The following GRID2 variants were observed in gnomAD, a reference collection of about 807,000 sequenced individuals.
GRID2 encodes glutamate ionotropic receptor delta type subunit 2, also known as glutamate receptor ionotropic, delta-2.
GRID2 carries 33 observed loss-of-function variants against 114.8 expected under a neutral mutation model. The ratio of observed to expected loss-of-function variants is 0.29; its 90% CI spans 0.22 to 0.38. The LOEUF (loss-of-function observed/expected upper bound fraction) is 0.38, where lower values mean the gene tolerates loss of function less well. Among genes scored for constraint, GRID2 ranks in the 10% least tolerant of loss-of-function variants. The probability of loss-of-function intolerance (pLI) is 1.00; values close to 1 mark genes in which losing one functional copy is unlikely to be tolerated. For synonymous variants in GRID2, 505 were observed against 449.9 expected (o/e 1.12, Z -1.55); for missense variants, 1,184 against 1,257.7 (o/e 0.94, Z 0.89).
intron 11 of GRID2, among the ~76,000 whole-genome samples, chr4:93,475,209 T>C (rs1236872076): frequency 3.3e-5 from 5 of 152,142 alleles, no homozygotes; most frequent in Non-Finnish European, 5.9e-5. Context: ...TTTTAACCAT[T>C]TTTAAATCTC....
At chr4:93,449,977 G>A (rs889983006) in intron 10 of GRID2, among the ~76,000 whole-genome samples, 1 of 151,694 alleles carries the variant, frequency 6.6e-6, no homozygotes, top group African/African-American at 2.4e-5. Flanking sequence ...AGACTTTGTG[G>A]GCTACTAGTT....
intron 14 of GRID2, among the ~76,000 whole-genome samples, chr4:93,733,931 G>C (rs1411621039): frequency 6.6e-6 from 1 of 151,982 alleles, no homozygotes; most frequent in Non-Finnish European, 1.5e-5. Flanking sequence ...ATTACAATTT[G>C]ATTTTTACCT....
chr4:93,668,521 TTGTATATGTGTATATG>T (rs2149748349), intron 14 of GRID2, among the ~76,000 whole-genome samples: 1 of 152,226 alleles, frequency 6.6e-6, no homozygotes, highest in African/African-American at 2.4e-5. Context: ...GTTAGTCACA[TTGTATATGTGTATATG>T]CTAGGGATTC....
At chr4:93,494,840 T>G (rs192967557) in intron 12 of GRID2, among the ~76,000 whole-genome samples, 4 of 151,932 alleles carry the variant, frequency 2.6e-5, no homozygotes, top group Admixed American at 2.6e-4. Context: ...ACTAGACTAA[T>G]AGTGGCAATG....
At chr4:93,458,889 G>A (rs1186066412) in intron 11 of GRID2, among the ~76,000 whole-genome samples, 1 of 151,988 alleles carries the variant, frequency 6.6e-6, no homozygotes, top group Non-Finnish European at 1.5e-5. Context: ...AAGAGTAAGG[G>A]TAGAAATTGA....
At chr4:93,759,678 C>A (rs1314071210) in intron 14 of GRID2, among the ~76,000 whole-genome samples, 1 of 152,180 alleles carries the variant, frequency 6.6e-6, no homozygotes, top group East Asian at 1.9e-4. Context: ...ATTGGCAAAG[C>A]ACCCTAAGTG....
intron 2 of GRID2, among the ~76,000 whole-genome samples, chr4:92,643,655 G>A (rs1228093047): frequency 2.0e-5 from 3 of 151,586 alleles, no homozygotes; most frequent in Non-Finnish European, 4.4e-5. Context: ...TCTATATACT[G>A]GGTCTCCTTA....
At chr4:93,808,221 G>T (rs1051241306) in exon 2 of GRID2, 1 of 152,166 alleles carries the variant, frequency 6.6e-6, no homozygotes, top group African/African-American at 2.4e-5. Context: ...GCTCACAGGT[G>T]AAAATCAGGC....
intron 2 of GRID2, among the ~76,000 whole-genome samples, chr4:92,607,037 A>G (rs898189661): frequency 3.9e-5 from 6 of 152,010 alleles, no homozygotes; most frequent in African/African-American, 1.2e-4. Context: ...CTGAGCAGAA[A>G]CACAGCTATC....
intron 13 of GRID2, among the ~76,000 whole-genome samples, chr4:93,528,083 G>GTATGTGTATA (rs538494006): frequency 1.2e-4 from 18 of 151,748 alleles, no homozygotes; most frequent in Non-Finnish European, 7.4e-5. Flanking sequence ...GTGTATATGT[G>GTATGTGTATA]TATGTGTATA....
At chr4:92,826,136 C>T (rs1741682012) in intron 2 of GRID2, among the ~76,000 whole-genome samples, 1 of 152,116 alleles carries the variant, frequency 6.6e-6, no homozygotes, top group African/African-American at 2.4e-5. Flanking sequence ...GTAATCTGCC[C>T]TTGCTCTGTC....
chr4:92,407,053 A>G lies in GRID2; in HGVS notation c.88+102309A>G, dbSNP rs28886710. 9.8e-3 allele frequency among the ~76,000 whole-genome samples: 1,492 copies of G among 151,586 alleles called. 27 individuals are homozygous for G. The highest frequency in any genetic ancestry group is 0.035 in the African/African-American group (1,423 of 41,234). The stretch of plus-strand genomic sequence containing the variant: ...TTATAGTGGAAAGCGAAGGGGAAGC[A>G]AGGCACCTCTTACATGGTGGCAGGA... On this transcript the variant is annotated intron_variant, in intron 1 of 15. Transcript: ENST00000282020.
chr4:93,505,369 A>G (rs1365153772), intron 12 of GRID2, among the ~76,000 whole-genome samples: 1 of 151,988 alleles, frequency 6.6e-6, no homozygotes, highest in Non-Finnish European at 1.5e-5. Flanking sequence ...AAATTTTACA[A>G]TCATCCTATA....
At chr4:93,764,011 T>G (rs1220056121) in intron 14 of GRID2, among the ~76,000 whole-genome samples, 2 of 152,134 alleles carry the variant, frequency 1.3e-5, no homozygotes, top group Admixed American at 1.3e-4. Flanking sequence ...GATTAGAAAT[T>G]TGCGTCCAAC....
chr4:93,340,712 T>C (rs945102097), intron 8 of GRID2, among the ~76,000 whole-genome samples: 1 of 152,178 alleles, frequency 6.6e-6, no homozygotes, highest in Non-Finnish European at 1.5e-5. Flanking sequence ...ACTATTAAGC[T>C]GGAGTCACCT....
At chr4:92,986,798 C>T (rs1181791202) in intron 2 of GRID2, among the ~76,000 whole-genome samples, 4 of 151,974 alleles carry the variant, frequency 2.6e-5, no homozygotes, top group African/African-American at 7.3e-5. Flanking sequence ...TTTTTAAGTT[C>T]TTATGTTCTG....
At chr4:92,530,254 T>C (rs1223471802) in intron 1 of GRID2, among the ~76,000 whole-genome samples, 3 of 151,960 alleles carry the variant, frequency 2.0e-5, no homozygotes, top group Admixed American at 6.6e-5. Flanking sequence ...ATCACATGGA[T>C]ATTGACAGAG....
At chr4:93,187,951 C>A (rs762533932) in intron 4 of GRID2, among the ~76,000 whole-genome samples, 3 of 152,204 alleles carry the variant, frequency 2.0e-5, no homozygotes, top group Non-Finnish European at 2.9e-5. Context: ...TCCAGGAAGC[C>A]CTGCCCACAT....
intron 1 of GRID2, among the ~76,000 whole-genome samples, chr4:92,463,948 T>C (rs79638158): frequency 6.6e-6 from 1 of 151,838 alleles, no homozygotes; most frequent in Admixed American, 6.6e-5. Flanking sequence ...CATTTTTTTT[T>C]ATTCATTTGC....
Sources: allele counts gnomAD v4.1 joint callset (sites outside exome capture counted in the v4.1 genomes callset), GRCh38; gene constraint gnomAD v4.1.1; transcripts MANE v1.5; gene names NCBI Gene and HGNC (gene_info 2026-07-23, HGNC 2026-07-21).